SLC8A1: variants seen among roughly 807,000 people sequenced by gnomAD.
SLC8A1 encodes the protein sodium/calcium exchanger 1.
A neutral mutation model predicts 68.3 loss-of-function variants in SLC8A1; 18 were observed. That is an observed-to-expected ratio of 0.26 (90% CI 0.18 to 0.39). SLC8A1 has a LOEUF of 0.39. SLC8A1 is among the 10% of genes least tolerant of loss of function. The pLI is 1.00. For missense variants in SLC8A1, 985 were observed against 1,156.7 expected (o/e 0.85, Z 2.15); for synonymous variants, 475 against 415.5 (o/e 1.14, Z -1.74).
At chr2:40,134,095 G>GTTTTTT (rs59189337) in intron 7 of SLC8A1, among the ~76,000 whole-genome samples, 85,563 of 148,902 alleles carry the variant, frequency 0.57, 24,713 homozygotes, top group East Asian at 0.79. Context: ...TTGTTTGTTT[G>GTTTTTT]TGTTTTTTTT....
At chr2:40,417,454 C>G (rs532944710) in intron 2 of SLC8A1, among the ~76,000 whole-genome samples, 1 of 152,202 alleles carries the variant, frequency 6.6e-6, no homozygotes, top group Non-Finnish European at 1.5e-5. Flanking sequence ...GCTCTCAAAG[C>G]AAGTGTTAGG....
intron 4 of SLC8A1, among the ~76,000 whole-genome samples, chr2:40,173,647 A>T (rs573270152): frequency 6.6e-6 from 1 of 152,222 alleles, no homozygotes; most frequent in African/African-American, 2.4e-5. Context: ...AATTCCCAAC[A>T]TAGTATTTTC....
chr2:40,241,176 G>C (rs1218106455), intron 2 of SLC8A1, among the ~76,000 whole-genome samples: 1 of 152,078 alleles, frequency 6.6e-6, no homozygotes, highest in Non-Finnish European at 1.5e-5. Context: ...CCATAAAAAA[G>C]AACAAAATCA....
At chr2:40,122,157 C>T (rs528903122) in intron 7 of SLC8A1, among the ~76,000 whole-genome samples, 5 of 151,912 alleles carry the variant, frequency 3.3e-5, no homozygotes, top group Non-Finnish European at 5.9e-5. Flanking sequence ...TTTATTTACC[C>T]AAGTAAATAG....
At chr2:40,120,606 G>C (rs1402318989) in intron 7 of SLC8A1, 3 of 151,982 alleles carry the variant, frequency 2.0e-5, no homozygotes, top group African/African-American at 7.3e-5. Context: ...TTTTTTGATA[G>C]GAGTTTGTAC....
intron 1 of SLC8A1, among the ~76,000 whole-genome samples, chr2:40,443,168 C>T (rs1419600152): frequency 2.0e-5 from 3 of 152,028 alleles, no homozygotes; most frequent in Non-Finnish European, 4.4e-5. Context: ...GAGCTTAAAA[C>T]CTAGATGACA....
chr2:40,371,345 TAAG>T (rs1416864490), intron 2 of SLC8A1, among the ~76,000 whole-genome samples: 1 of 151,984 alleles, frequency 6.6e-6, no homozygotes, highest in Non-Finnish European at 1.5e-5. Flanking sequence ...GGACTTTAGG[TAAG>T]AAGGGGGAGA....
intron 2 of SLC8A1, among the ~76,000 whole-genome samples, chr2:40,218,867 G>A (rs1180636204): frequency 6.6e-6 from 1 of 152,190 alleles, no homozygotes; most frequent in Non-Finnish European, 1.5e-5. Context: ...CTCACCCCGA[G>A]GCTAATAGCA....
At chr2:40,384,117 T>C (rs1313000941) in intron 2 of SLC8A1, among the ~76,000 whole-genome samples, 1 of 151,486 alleles carries the variant, frequency 6.6e-6, no homozygotes, top group African/African-American at 2.4e-5. Flanking sequence ...TTTTAACAGT[T>C]AGACATGGTG....
chr2:40,468,472 G>C (rs754493836), intron 1 of SLC8A1, among the ~76,000 whole-genome samples: 1 of 151,940 alleles, frequency 6.6e-6, no homozygotes, highest in Non-Finnish European at 1.5e-5. Flanking sequence ...GTTTAAATAA[G>C]CGCCTTCTGA....
At chr2:40,236,072 T>C (rs1301401841) in intron 2 of SLC8A1, among the ~76,000 whole-genome samples, 1 of 152,110 alleles carries the variant, frequency 6.6e-6, no homozygotes, top group Admixed American at 6.5e-5. Context: ...AAAATGTATA[T>C]TCTGTTGATT....
intron 2 of SLC8A1, among the ~76,000 whole-genome samples, chr2:40,261,921 C>T (rs485253): frequency 0.15 from 22,939 of 151,278 alleles, 1,989 homozygotes; most frequent in Admixed American, 0.28. Flanking sequence ...GTAATATTTG[C>T]TCCACAATTG....
intron 2 of SLC8A1, among the ~76,000 whole-genome samples, chr2:40,425,313 T>C (rs1696563768): frequency 6.6e-6 from 1 of 150,392 alleles, no homozygotes; most frequent in African/African-American, 2.4e-5. Flanking sequence ...ATTTTTATAT[T>C]ATAAATTTAA....
chr2:40,134,682 A>T (rs1400429275), intron 7 of SLC8A1, among the ~76,000 whole-genome samples: 1 of 152,182 alleles, frequency 6.6e-6, no homozygotes, highest in Non-Finnish European at 1.5e-5. Context: ...CTGTCGCTAG[A>T]AGTTATTAGG....
chr2:40,154,726 G>A (rs4952498), intron 6 of SLC8A1, among the ~76,000 whole-genome samples: 54,912 of 151,916 alleles, frequency 0.36, 11,913 homozygotes, highest in Middle Eastern at 0.53. Flanking sequence ...GTCTAGTGGT[G>A]CAATCACAGC....
chr2:40,305,183 C>A (rs921657854), intron 2 of SLC8A1, among the ~76,000 whole-genome samples: 5 of 152,170 alleles, frequency 3.3e-5, no homozygotes, highest in African/African-American at 1.2e-4. Context: ...AGTTTCACTG[C>A]CACCACTTGG....
At chr2:40,451,084 G>A (rs568008352) in intron 1 of SLC8A1, among the ~76,000 whole-genome samples, 2 of 152,214 alleles carry the variant, frequency 1.3e-5, no homozygotes, top group Non-Finnish European at 2.9e-5. Context: ...TCTTTGGCCG[G>A]CTGTCCAGCT....
At chr2:40,434,588 T>C (rs1295152858) in intron 1 of SLC8A1, among the ~76,000 whole-genome samples, 1 of 152,190 alleles carries the variant, frequency 6.6e-6, no homozygotes, top group Non-Finnish European at 1.5e-5. Flanking sequence ...CCTGGCTTTC[T>C]TATATTCTGC....
intron 1 of SLC8A1, among the ~76,000 whole-genome samples, chr2:40,472,181 T>A (rs903518335): frequency 6.6e-6 from 1 of 152,168 alleles, no homozygotes; most frequent in Non-Finnish European, 1.5e-5. Context: ...GCAGTAAACT[T>A]ACACACGCAT....
Sources: allele counts gnomAD v4.1 joint callset (sites outside exome capture counted in the v4.1 genomes callset), GRCh38; gene constraint gnomAD v4.1.1; transcripts MANE v1.5; gene names NCBI Gene and HGNC (gene_info 2026-07-23, HGNC 2026-07-21).